Variants in JAM3 observed in about 807,000 individuals in gnomAD.
JAM3 encodes the protein junctional adhesion molecule 3.
A neutral mutation model predicts 39.4 loss-of-function variants in JAM3; 31 were observed. The observed-to-expected ratio is 0.79, with a 90% CI of 0.59 to 1.06. JAM3 has a LOEUF of 1.06. Ranked by LOEUF, JAM3 falls within the 50% of genes least tolerant of loss-of-function variation. The pLI, the probability that JAM3 is intolerant of heterozygous loss-of-function variation, is 0.00. For synonymous variants in JAM3, 182 were observed against 148.7 expected, an observed-to-expected ratio of 1.22 and a Z score of -1.63; for missense variants, 455 against 391.4, an observed-to-expected ratio of 1.16 and a Z score of -1.37.
At chr11:134,085,428 A>G (rs1027285239) in intron 1 of JAM3, among the ~76,000 whole-genome samples, 1 of 152,234 alleles carries the variant, frequency 6.6e-6, no homozygotes, top group Non-Finnish European at 1.5e-5. Flanking sequence ...AGCAAAGATT[A>G]TAGAGACTAA....
chr11:134,090,434 TA>T (rs1267658796), intron 1 of JAM3, among the ~76,000 whole-genome samples: 5 of 152,324 alleles, frequency 3.3e-5, no homozygotes, highest in African/African-American at 1.2e-4. Context: ...TTTTTTTCAA[TA>T]TATGGAAATT....
intron 1 of JAM3, chr11:134,124,019 C>T (rs878902574): frequency 2.0e-5 from 30 of 1,472,878 alleles, no homozygotes; most frequent in Non-Finnish European, 2.4e-5. Context: ...TTCCCAATCC[C>T]GCAACACAAG....
At chr11:134,106,497 G>A (rs995004514) in intron 1 of JAM3, among the ~76,000 whole-genome samples, 1 of 152,166 alleles carries the variant, frequency 6.6e-6, no homozygotes, top group Non-Finnish European at 1.5e-5. Flanking sequence ...TTTGACAGAT[G>A]GGATCTAATT....
chr11:134,144,993 T>A lies in JAM3; in HGVS notation c.611T>A (p.Leu204Ter). Residue 204 changes from leucine (L) to a stop codon, truncating the protein, a stop_gained and splice_region_variant, in exon 5 of 9, where the codon TTG (leucine) becomes TAG (stop). Coordinates refer to ENST00000299106, the MANE Select transcript of JAM3 (RefSeq NM_032801.5). LOFTEE classifies it high-confidence loss of function. Reference sequence around the variant, plus strand: ...CACTTAAACTCTGAAACAGGCACTTTGGTAAGATCTCTTCTAAGAGGTGAG... The same window carrying A: ...CACTTAAACTCTGAAACAGGCACTTAGGTAAGATCTCTTCTAAGAGGTGAG... The part of the protein sequence containing the change: ...SFHLNSETGT[L>*]VFTAVHKDDS... 6.2e-7 allele frequency: 1 copy of A among 1,610,006 alleles called. No homozygotes were observed. Among genetic ancestry groups the A allele is most frequent in the South Asian group, 1.1e-5 (1 of 90,998 alleles).
chr11:134,087,174 A>T, intron 1 of JAM3, among the ~76,000 whole-genome samples: 1 of 152,082 alleles, frequency 6.6e-6, no homozygotes, highest in East Asian at 1.9e-4. Flanking sequence ...ATGTCCTGAG[A>T]TTATTGTGCC....
chr11:134,128,829 A>T (rs1167935973), intron 1 of JAM3, among the ~76,000 whole-genome samples: 1 of 152,210 alleles, frequency 6.6e-6, no homozygotes, highest in Non-Finnish European at 1.5e-5. Flanking sequence ...GGACTAATAT[A>T]TTGGAAAATA....
intron 1 of JAM3, chr11:134,124,386 C>A: frequency 1.6e-6 from 1 of 629,644 alleles, no homozygotes; most frequent in Non-Finnish European, 2.9e-6. Flanking sequence ...TGAAAGAAAT[C>A]AATAAATCAA....
At chr11:134,138,495 G>A (rs550866302) in intron 1 of JAM3, among the ~76,000 whole-genome samples, 46 of 152,242 alleles carry the variant, frequency 3.0e-4, no homozygotes, top group African/African-American at 1.1e-3. Flanking sequence ...CTCATGCTGA[G>A]AGAAATGTTT....
intron 5 of JAM3, 75 bp from the exon 6 acceptor site, chr11:134,145,871 G>C: frequency 1.0e-6 from 1 of 966,224 alleles, no homozygotes. Flanking sequence ...ACCTAGTTCT[G>C]GACCCAGCTG....
chr11:134,123,959 G>T lies in JAM3; in HGVS notation c.77-15892G>T, dbSNP rs375662452. ...GTGTTATAAACTGAACTGCATCTTC[G>T]TACTTCATTCCATATTCAATCAAAG... On this transcript the variant is annotated intron_variant, in intron 1 of 8. Transcript: ENST00000299106. 7 of 1,501,634 alleles carry T rather than the reference G, an allele frequency of 4.7e-6. No individual in the cohort carries two copies. The Admixed American group carries it at 5.0e-5, about 11-fold the overall frequency. The allele number at this position is 1,501,634 out of a possible 1,614,324, so 93.0% of individuals were successfully genotyped here. A position where few individuals can be genotyped will look rare whatever the true frequency, so the allele number is the denominator to read the frequency against.
intron 1 of JAM3, among the ~76,000 whole-genome samples, chr11:134,113,143 A>G (rs576033951): frequency 6.6e-6 from 1 of 151,880 alleles, no homozygotes; most frequent in East Asian, 1.9e-4. Flanking sequence ...ATTTCAACAA[A>G]TGAATCTTTT....
chr11:134,145,082 G>C, intron 5 of JAM3, 88 bp downstream of exon 5: 2 of 1,104,932 alleles, frequency 1.8e-6, no homozygotes, highest in South Asian at 1.3e-5. Context: ...GAGAGATACT[G>C]AAACTTCTTG....
chr11:134,089,534 C>A (rs927119732), intron 1 of JAM3, among the ~76,000 whole-genome samples: 2 of 152,098 alleles, frequency 1.3e-5, no homozygotes, highest in African/African-American at 2.4e-5. Context: ...GTTCAATTCC[C>A]ACCTATGAGT....
chr11:134,097,483 A>G (rs470982), intron 1 of JAM3, among the ~76,000 whole-genome samples: 60,034 of 151,942 alleles, frequency 0.4, 12,908 homozygotes, highest in African/African-American at 0.58. Flanking sequence ...TCTTTGGAGC[A>G]TTAGTGATGC....
chr11:134,125,299 C>T (rs939926672), intron 1 of JAM3, among the ~76,000 whole-genome samples: 3 of 152,202 alleles, frequency 2.0e-5, no homozygotes, highest in African/African-American at 4.8e-5. Flanking sequence ...GTGCCAGCTG[C>T]ACATCATGTC....
rs144000937 is a variant in JAM3 at position 134,105,224 on chromosome 11, G to A, written c.77-34627G>A. 6.8e-3 allele frequency among the ~76,000 whole-genome samples: 1,028 copies of A among 152,078 alleles called. 11 individuals are homozygous for A. Among genetic ancestry groups the A allele is most frequent in the African/African-American group, 0.023 (953 of 41,494 alleles). ...ATACGCAAATCAATAAACATCATCC[G>A]GCATATAAACAGAACCAAAGACAAA... On this transcript the variant is annotated intron_variant, in intron 1 of 8. Coordinates refer to ENST00000299106, the MANE Select transcript of JAM3 (RefSeq NM_032801.5).
chr11:134,146,487 C>T (rs1943074129), intron 6 of JAM3, among the ~76,000 whole-genome samples: 1 of 151,996 alleles, frequency 6.6e-6, no homozygotes, highest in African/African-American at 2.4e-5. Context: ...CTCTGGTTCC[C>T]CTAATGGAGG....
intron 1 of JAM3, among the ~76,000 whole-genome samples, chr11:134,100,473 A>T (rs1410375149): frequency 2.0e-5 from 3 of 152,210 alleles, no homozygotes; most frequent in East Asian, 1.9e-4. Flanking sequence ...GCAGATTTTT[A>T]AAATCCCTAA....
At chr11:134,135,622 C>T (rs1942851020) in intron 1 of JAM3, among the ~76,000 whole-genome samples, 4 of 151,872 alleles carry the variant, frequency 2.6e-5, no homozygotes, top group Non-Finnish European at 4.4e-5. Context: ...ACTGTAACCC[C>T]CACCTCCTGG....
Sources: gnomAD v4.1 joint callset for allele counts (sites outside exome capture counted in the v4.1 genomes callset) on GRCh38, gnomAD v4.1.1 for gene constraint, MANE v1.5 for transcripts, NCBI Gene and HGNC (gene_info 2026-07-23, HGNC 2026-07-21) for gene names.